The following VOPP1 variants were observed in gnomAD, a reference collection of about 807,000 sequenced individuals.
VOPP1 encodes the protein WW domain binding protein VOPP1.
VOPP1 carries 8 observed loss-of-function variants against 23.5 expected under a neutral mutation model. That is an observed-to-expected ratio of 0.34 (90% CI 0.20 to 0.61). The LOEUF (loss-of-function observed/expected upper bound fraction) is 0.61, where lower values mean the gene tolerates loss of function less well. VOPP1 is among the 20% of genes least tolerant of loss of function. The pLI is 0.78. For missense variants in VOPP1, 174 were observed against 238.1 expected (o/e 0.73, Z 1.77); for synonymous variants, 83 against 97.3 (o/e 0.85, Z 0.86).
chr7:55,451,930 T>C (rs1028525258), intron 4 of VOPP1, among the ~76,000 whole-genome samples: 2 of 152,206 alleles, frequency 1.3e-5, no homozygotes, highest in Non-Finnish European at 2.9e-5. Context: ...TGCTAAAGGT[T>C]GGACTGGCTG....
chr7:55,456,619 TA>T (rs1214716846), intron 4 of VOPP1, among the ~76,000 whole-genome samples: 3 of 151,932 alleles, frequency 2.0e-5, no homozygotes, highest in African/African-American at 7.3e-5. Flanking sequence ...TATGCAGCCA[TA>T]AAAAAAGGAT....
chr7:55,508,613 C>T (rs1325211382), intron 2 of VOPP1, among the ~76,000 whole-genome samples: 1 of 152,142 alleles, frequency 6.6e-6, no homozygotes, highest in Non-Finnish European at 1.5e-5. Context: ...GAGGTTTTCC[C>T]TCTTTCTCCT....
intron 4 of VOPP1, among the ~76,000 whole-genome samples, chr7:55,476,235 G>A (rs1792238999): frequency 6.6e-6 from 1 of 152,202 alleles, no homozygotes; most frequent in Non-Finnish European, 1.5e-5. Flanking sequence ...CTCCTCAGTG[G>A]GAGTCTTGGC....
intron 1 of VOPP1, among the ~76,000 whole-genome samples, chr7:55,558,880 CGCAGAGTT>C (rs1288829799): frequency 4.6e-5 from 7 of 152,162 alleles, no homozygotes; most frequent in Non-Finnish European, 8.8e-5. Flanking sequence ...GCAATAATAA[CGCAGAGTT>C]GCTAAAAACC....
chr7:55,552,060 G>A (rs1283713518), intron 1 of VOPP1, among the ~76,000 whole-genome samples: 1 of 151,268 alleles, frequency 6.6e-6, no homozygotes, highest in African/African-American at 2.4e-5. Flanking sequence ...TGTTGACAAG[G>A]TGTGGAGGTG....
downstream of VOPP1, among the ~76,000 whole-genome samples, chr7:55,468,039 C>T (rs1457828989): frequency 1.3e-5 from 2 of 152,042 alleles, no homozygotes; most frequent in Non-Finnish European, 2.9e-5. Flanking sequence ...TTTGGGAGGC[C>T]GAGGCGGGCG....
intron 4 of VOPP1, among the ~76,000 whole-genome samples, chr7:55,483,356 G>A (rs910705536): frequency 6.6e-6 from 1 of 152,182 alleles, no homozygotes; most frequent in African/African-American, 2.4e-5. Context: ...CAGTTGATAA[G>A]TGTCTATGGA....
chr7:55,474,738 T>G (rs1219747755), intron 4 of VOPP1, among the ~76,000 whole-genome samples: 1 of 152,132 alleles, frequency 6.6e-6, no homozygotes, highest in East Asian at 1.9e-4. Context: ...AGCTGGAGCC[T>G]CCTGTGGGAA....
At chr7:55,519,317 G>C (rs1308550804) in intron 2 of VOPP1, among the ~76,000 whole-genome samples, 1 of 152,162 alleles carries the variant, frequency 6.6e-6, no homozygotes, top group Non-Finnish European at 1.5e-5. Flanking sequence ...TCAATGCAAT[G>C]CAAAACACTT....
At chr7:55,512,679 C>T (rs1050500659) in intron 2 of VOPP1, among the ~76,000 whole-genome samples, 14 of 152,216 alleles carry the variant, frequency 9.2e-5, no homozygotes, top group African/African-American at 2.4e-4. Context: ...CTGCAGCAGG[C>T]GTATGGAGCA....
chr7:55,541,655 A>G lies in VOPP1; in HGVS notation c.55-20525T>C, dbSNP rs1797138325. Among the ~76,000 whole-genome samples the G allele has an allele frequency of 2.0e-5, 3 of 152,358 alleles. No homozygotes were observed. The South Asian group carries it at 6.2e-4, about 32-fold the overall frequency. On this transcript the variant is annotated intron_variant, in intron 1 of 4. Coordinates refer to ENST00000285279, the MANE Select transcript of VOPP1 (RefSeq NM_030796.5). ...CATATGCCCACAAAGACCTGTACAC[A>G]AATGTTCACAGCAGCATTATTCACA...
At chr7:55,561,196 C>A (rs1797973263) in intron 1 of VOPP1, among the ~76,000 whole-genome samples, 1 of 152,142 alleles carries the variant, frequency 6.6e-6, no homozygotes, top group African/African-American at 2.4e-5. Context: ...TACTTCAACG[C>A]AAAGTTCCTG....
At chr7:55,502,167 G>A (rs1306367116) in intron 2 of VOPP1, among the ~76,000 whole-genome samples, 1 of 152,248 alleles carries the variant, frequency 6.6e-6, no homozygotes, top group Non-Finnish European at 1.5e-5. Context: ...ATGCTGGAGA[G>A]AGCAGACTAC....
At chr7:55,503,740 C>T (rs1415324160) in intron 2 of VOPP1, among the ~76,000 whole-genome samples, 1 of 152,156 alleles carries the variant, frequency 6.6e-6, no homozygotes, top group Non-Finnish European at 1.5e-5. Context: ...TGCTCCACTC[C>T]CCACCACGTG....
intron 1 of VOPP1, among the ~76,000 whole-genome samples, chr7:55,568,823 T>A (rs1284501537): frequency 6.6e-6 from 1 of 152,214 alleles, no homozygotes; most frequent in Admixed American, 6.5e-5. Context: ...AAGGAGTTAC[T>A]GTGTGAAGGC....
chr7:55,446,505 T>A lies in VOPP1; in HGVS notation n.418-10331A>T, dbSNP rs1026886170. Among the ~76,000 whole-genome samples, 8 of 152,252 alleles carry A rather than the reference T, an allele frequency of 5.3e-5. No homozygotes were observed. The South Asian group carries it at 1.7e-3, about 32-fold the overall frequency. On this transcript the variant is annotated intron_variant and non_coding_transcript_variant, in intron 4 of 4. Transcript: ENST00000462326. ...TGCTACATCCTGTGATGGAAAAAAATTTCTAGGGAAAACAAAATAATTTTA... is the reference window on the plus strand; with the variant it reads ...TGCTACATCCTGTGATGGAAAAAAAATTCTAGGGAAAACAAAATAATTTTA...
chr7:55,470,830 G>C lies in VOPP1; in HGVS notation c.*2025C>G, dbSNP rs1306281498. On this transcript the variant is annotated 3_prime_UTR_variant, in exon 5 of 5. Coordinates refer to ENST00000285279, the MANE Select transcript of VOPP1 (RefSeq NM_030796.5). ...CCATCCACACAATGGAAACAAGAAT[G>C]GCCAGGAAATGTCACCGAAGTGGGA... The C allele has an allele frequency of 6.6e-6, 1 of 152,052 alleles. No individual in the cohort carries two copies. Among genetic ancestry groups the C allele is most frequent in the Non-Finnish European group, 1.5e-5 (1 of 67,962 alleles). The allele number at this position is 152,052 out of a possible 1,614,324, so 9.4% of individuals were successfully genotyped here. A position where few individuals can be genotyped will look rare whatever the true frequency, so the allele number is the denominator to read the frequency against.
chr7:55,543,495 T>C (rs1195842176), intron 1 of VOPP1, among the ~76,000 whole-genome samples: 1 of 152,222 alleles, frequency 6.6e-6, no homozygotes, highest in African/African-American at 2.4e-5. Flanking sequence ...AGAGCCTCCA[T>C]ACTGCTCTCC....
intron 4 of VOPP1, among the ~76,000 whole-genome samples, chr7:55,447,539 G>A (rs1225989841): frequency 3.3e-5 from 5 of 152,224 alleles, no homozygotes; most frequent in African/African-American, 1.2e-4. Context: ...GGCAATTCAA[G>A]AGGAGGGCTG....
Sources: gnomAD v4.1 joint callset for allele counts (sites outside exome capture counted in the v4.1 genomes callset) on GRCh38, gnomAD v4.1.1 for gene constraint, MANE v1.5 for transcripts, NCBI Gene and HGNC (gene_info 2026-07-23, HGNC 2026-07-21) for gene names.